The following GPC5 variants were observed in gnomAD, a reference collection of about 807,000 sequenced individuals.
The protein encoded by GPC5 is glypican 5.
Under a neutral mutation model 53.9 loss-of-function variants are expected in GPC5, and 47 were observed. The observed-to-expected ratio is 0.87, with a 90% CI of 0.69 to 1.11. GPC5 has a LOEUF of 1.11. Ranked by LOEUF, GPC5 falls within the 50% of genes most tolerant of loss-of-function variation. The probability of loss-of-function intolerance (pLI) is 0.00; values close to 1 mark genes in which losing one functional copy is unlikely to be tolerated. For synonymous variants in GPC5, 286 were observed against 263.3 expected (o/e 1.09, Z -0.84); for missense variants, 748 against 713.1 (o/e 1.05, Z -0.56).
At chr13:91,487,997 A>G (rs1424846998) in intron 2 of GPC5, among the ~76,000 whole-genome samples, 2 of 151,972 alleles carry the variant, frequency 1.3e-5, no homozygotes, top group African/African-American at 4.8e-5. Flanking sequence ...AATGAACAAG[A>G]TAGCATACTT....
At chr13:92,546,510 A>G (rs1012796813) in intron 7 of GPC5, among the ~76,000 whole-genome samples, 1 of 152,192 alleles carries the variant, frequency 6.6e-6, no homozygotes, top group African/African-American at 2.4e-5. Context: ...GCTCAATGAA[A>G]TAAAAAAGGA....
chr13:91,527,760 G>T (rs1409133252), intron 2 of GPC5, among the ~76,000 whole-genome samples: 1 of 152,218 alleles, frequency 6.6e-6, no homozygotes, highest in African/African-American at 2.4e-5. Context: ...TGAAATCTAG[G>T]CAGAGGCTCC....
chr13:91,700,381 G>A (rs1024614148), intron 3 of GPC5, among the ~76,000 whole-genome samples: 1 of 152,206 alleles, frequency 6.6e-6, no homozygotes. Context: ...TGAGTTACTT[G>A]AGAATAAAGA....
At chr13:92,230,007 C>T (rs902546530) in intron 7 of GPC5, among the ~76,000 whole-genome samples, 3 of 151,984 alleles carry the variant, frequency 2.0e-5, no homozygotes, top group Admixed American at 6.5e-5. Flanking sequence ...AGATAGAGCA[C>T]TATAAATGAA....
intron 7 of GPC5, among the ~76,000 whole-genome samples, chr13:92,634,849 T>C (rs1439726394): frequency 6.6e-6 from 1 of 152,078 alleles, no homozygotes; most frequent in African/African-American, 2.4e-5. Context: ...ATGCAGCCTG[T>C]AGCATTCCTT....
intron 6 of GPC5, among the ~76,000 whole-genome samples, chr13:91,971,010 G>T (rs1173261469): frequency 6.6e-6 from 1 of 152,080 alleles, no homozygotes; most frequent in Non-Finnish European, 1.5e-5. Context: ...TCCCTCTTTT[G>T]CTATTGATTG....
intron 4 of GPC5, among the ~76,000 whole-genome samples, chr13:91,743,153 A>G (rs868316743): frequency 2.6e-5 from 4 of 152,204 alleles, no homozygotes; most frequent in South Asian, 4.2e-4. Flanking sequence ...TTTTCTCCCA[A>G]CAAGTGAATC....
intron 5 of GPC5, among the ~76,000 whole-genome samples, chr13:91,843,240 C>A (rs2038810823): frequency 6.6e-6 from 1 of 152,034 alleles, no homozygotes; most frequent in Non-Finnish European, 1.5e-5. Flanking sequence ...AATATACACA[C>A]AAAATTACAA....
chr13:92,031,983 TA>T (rs1429345082), intron 6 of GPC5, among the ~76,000 whole-genome samples: 1 of 129,290 alleles, frequency 7.7e-6, no homozygotes, highest in Admixed American at 9.7e-5. Context: ...ATTCATTACA[TA>T]TATTATATAC....
chr13:91,680,152 A>T (rs76195393), intron 2 of GPC5, among the ~76,000 whole-genome samples: 2,927 of 152,252 alleles, frequency 0.019, 92 homozygotes, highest in African/African-American at 0.067. Context: ...AGTTTCCAGT[A>T]CTTAAAAATG....
intron 7 of GPC5, among the ~76,000 whole-genome samples, chr13:92,497,842 C>G (rs1219517555): frequency 6.6e-6 from 1 of 151,954 alleles, no homozygotes. Flanking sequence ...GTATTTTACT[C>G]TCTTTGTAGT....
At chr13:91,710,069 C>G (rs1444381204) in intron 3 of GPC5, among the ~76,000 whole-genome samples, 1 of 152,168 alleles carries the variant, frequency 6.6e-6, no homozygotes, top group East Asian at 1.9e-4. Context: ...TTCATCTTAA[C>G]CCCATGTTGT....
At chr13:92,373,134 T>C (rs1294965295) in intron 7 of GPC5, among the ~76,000 whole-genome samples, 1 of 152,192 alleles carries the variant, frequency 6.6e-6, no homozygotes, top group Non-Finnish European at 1.5e-5. Flanking sequence ...GAGTAATTCC[T>C]TAATATAGCT....
intron 3 of GPC5, among the ~76,000 whole-genome samples, chr13:91,717,651 G>A (rs1215124942): frequency 6.6e-6 from 1 of 152,056 alleles, no homozygotes; most frequent in African/African-American, 2.4e-5. Context: ...CCACCTCCGG[G>A]ATTCAAGCGA....
At chr13:92,374,439 G>GAT (rs1308769662) in intron 7 of GPC5, among the ~76,000 whole-genome samples, 3 of 152,016 alleles carry the variant, frequency 2.0e-5, no homozygotes, top group Admixed American at 6.6e-5. Context: ...TAGTTAATAA[G>GAT]ATATATATAT....
intron 7 of GPC5, among the ~76,000 whole-genome samples, chr13:92,178,034 T>C (rs1388595519): frequency 1.3e-5 from 2 of 152,168 alleles, no homozygotes; most frequent in East Asian, 3.8e-4. Flanking sequence ...CTGAAACTAT[T>C]CTGGCACATG....
intron 7 of GPC5, among the ~76,000 whole-genome samples, chr13:92,443,828 T>A (rs1594206911): frequency 6.6e-6 from 1 of 152,142 alleles, no homozygotes; most frequent in African/African-American, 2.4e-5. Flanking sequence ...AGGGAAGGGA[T>A]GTGCAAAAAA....
At chr13:92,028,480 G>A (rs543959961) in intron 6 of GPC5, among the ~76,000 whole-genome samples, 6 of 152,132 alleles carry the variant, frequency 3.9e-5, no homozygotes, top group South Asian at 2.1e-4. Flanking sequence ...TCAGGTGACC[G>A]TCTCCCAAAT....
In GPC5 at chr13:91,678,534, G is replaced by A. The variant is rs377056853; in HGVS notation, c.326-14653G>A. ...GAAGAGATAAGATGCTTCATTAGTCGTTCATATTAATATATTGTTATTTAG... is the reference window on the plus strand; with the variant it reads ...GAAGAGATAAGATGCTTCATTAGTCATTCATATTAATATATTGTTATTTAG... On this transcript the variant is annotated intron_variant, in intron 2 of 7. Coordinates refer to ENST00000377067, the MANE Select transcript of GPC5 (RefSeq NM_004466.6). Among the ~76,000 whole-genome samples the A allele has an allele frequency of 3.6e-4, 55 of 152,172 alleles. No individual in the cohort carries two copies. In the East Asian group the frequency reaches 6.4e-3, roughly 18 times the overall value.
Sources: gnomAD v4.1 joint callset for allele counts (sites outside exome capture counted in the v4.1 genomes callset) on GRCh38, gnomAD v4.1.1 for gene constraint, MANE v1.5 for transcripts, NCBI Gene and HGNC (gene_info 2026-07-23, HGNC 2026-07-21) for gene names.